Variants in NFATC3 observed in about 807,000 individuals in gnomAD.
The protein encoded by NFATC3 is nuclear factor of activated T cells 3.
A neutral mutation model predicts 98.6 loss-of-function variants in NFATC3; 46 were observed. The observed-to-expected ratio is 0.47, with a 90% confidence interval of 0.37 to 0.60. The LOEUF (loss-of-function observed/expected upper bound fraction) is 0.60. Ranked by LOEUF, NFATC3 falls within the 20% of genes least tolerant of loss-of-function variation. NFATC3 has a pLI of 0.00. For synonymous variants in NFATC3, 512 were observed against 472.2 expected, an observed-to-expected ratio of 1.08 and a Z score of -1.09; for missense variants, 1,256 against 1,295.5, an observed-to-expected ratio of 0.97 and a Z score of 0.47.
At chr16:68,219,581 G>GTAATAA (rs971636918) in intron 9 of NFATC3, among the ~76,000 whole-genome samples, 3 of 151,276 alleles carry the variant, frequency 2.0e-5, no homozygotes, top group Non-Finnish European at 4.4e-5. Flanking sequence ...AATAATAATA[G>GTAATAA]TAATAATAAT....
chr16:68,119,182 A>G (rs1159173757), intron 1 of NFATC3, among the ~76,000 whole-genome samples: 3 of 152,096 alleles, frequency 2.0e-5, no homozygotes, highest in Admixed American at 6.6e-5. Flanking sequence ...TGTGTTTTTA[A>G]TAATAGTTCA....
chr16:68,214,339 A>G (rs1174902960), intron 9 of NFATC3: 5 of 1,614,178 alleles, frequency 3.1e-6, no homozygotes, highest in Non-Finnish European at 3.4e-6. Context: ...ACCAATTTAT[A>G]TCTGACTTGG....
chr16:68,164,683 T>C (rs1055062100), intron 4 of NFATC3, among the ~76,000 whole-genome samples: 1 of 151,882 alleles, frequency 6.6e-6, no homozygotes, highest in African/African-American at 2.4e-5. Flanking sequence ...ATCGAGACCA[T>C]CCTGGCCAGC....
intron 9 of NFATC3, among the ~76,000 whole-genome samples, chr16:68,213,010 A>G (rs910768405): frequency 7.5e-5 from 10 of 132,594 alleles, no homozygotes; most frequent in Non-Finnish European, 1.3e-4. Flanking sequence ...CGTGTTAGCC[A>G]GGATGGTCTC....
At chr16:68,195,619 T>C (rs1487116073) in intron 9 of NFATC3, among the ~76,000 whole-genome samples, 3 of 151,926 alleles carry the variant, frequency 2.0e-5, no homozygotes, top group Non-Finnish European at 4.4e-5. Flanking sequence ...TCATCCTGGC[T>C]AACACGGTGA....
intron 2 of NFATC3, among the ~76,000 whole-genome samples, chr16:68,123,874 A>G (rs1263039668): frequency 6.6e-6 from 1 of 151,750 alleles, no homozygotes; most frequent in Non-Finnish European, 1.5e-5. Flanking sequence ...AGTCCCAGGT[A>G]CTAGGGAGGC....
At chr16:68,199,123 G>A (rs1448444876) in intron 9 of NFATC3, among the ~76,000 whole-genome samples, 1 of 152,092 alleles carries the variant, frequency 6.6e-6, no homozygotes, top group African/African-American at 2.4e-5. Flanking sequence ...GGCTGAAGTG[G>A]GAGGATTGCT....
At chr16:68,224,139 A>AG (rs1372361509) in intron 9 of NFATC3, among the ~76,000 whole-genome samples, 1 of 151,468 alleles carries the variant, frequency 6.6e-6, no homozygotes, top group Non-Finnish European at 1.5e-5. Context: ...AAAAAAAAAA[A>AG]AAAAAAAGCT....
At chr16:68,192,149 A>G (rs904203476) in intron 9 of NFATC3, 4 of 152,376 alleles carry the variant, frequency 2.6e-5, no homozygotes, top group Non-Finnish European at 5.6e-5. Flanking sequence ...TGGCAGTTGC[A>G]GGGAGCTAAG....
At chr16:68,107,153 G>A (rs1442853634) in intron 1 of NFATC3, among the ~76,000 whole-genome samples, 1 of 152,128 alleles carries the variant, frequency 6.6e-6, no homozygotes, top group Non-Finnish European at 1.5e-5. Context: ...TCATTGGTGG[G>A]CATTTGGGTT....
intron 1 of NFATC3, among the ~76,000 whole-genome samples, chr16:68,092,788 C>T (rs761409183): frequency 2.0e-5 from 3 of 152,152 alleles, no homozygotes; most frequent in African/African-American, 4.8e-5. Flanking sequence ...ATATTTCCCA[C>T]GTCTGTAGTT....
At chr16:68,164,237 C>CA (rs755998385) in intron 4 of NFATC3, among the ~76,000 whole-genome samples, 4 of 152,264 alleles carry the variant, frequency 2.6e-5, no homozygotes, top group Non-Finnish European at 5.9e-5. Flanking sequence ...CCGTCTCCAC[C>CA]AAAAAAATAC....
intron 1 of NFATC3, among the ~76,000 whole-genome samples, chr16:68,121,365 G>GT (rs764480895): frequency 2.4e-3 from 315 of 131,946 alleles, no homozygotes; most frequent in Middle Eastern, 4.0e-3. Flanking sequence ...TTATGGATGT[G>GT]TTTTTTTTTT....
chr16:68,157,226 TTCTCTCCC>T (rs912111693), intron 3 of NFATC3, among the ~76,000 whole-genome samples: 6 of 151,996 alleles, frequency 3.9e-5, no homozygotes, highest in Non-Finnish European at 7.4e-5. Context: ...CTCCTTCTCC[TTCTCTCCC>T]TCTCTCCCTC....
intron 9 of NFATC3, among the ~76,000 whole-genome samples, chr16:68,223,038 T>C (rs537973527): frequency 6.6e-6 from 1 of 152,342 alleles, no homozygotes; most frequent in South Asian, 2.1e-4. Context: ...AAGAGGTATT[T>C]CTCTTCTCCA....
At chr16:68,184,615 A>G (rs1012051951) in intron 8 of NFATC3, among the ~76,000 whole-genome samples, 1 of 152,068 alleles carries the variant, frequency 6.6e-6, no homozygotes, top group African/African-American at 2.4e-5. Flanking sequence ...CATCCTGGCT[A>G]ACATGGTGAA....
chr16:68,194,983 T>A (rs1484587701), intron 9 of NFATC3, among the ~76,000 whole-genome samples: 1 of 152,120 alleles, frequency 6.6e-6, no homozygotes, highest in Non-Finnish European at 1.5e-5. Flanking sequence ...CCAGGTGCCG[T>A]GGCTCATGCC....
At chr16:68,132,720 A>G (rs1050073849) in intron 3 of NFATC3, among the ~76,000 whole-genome samples, 9 of 152,264 alleles carry the variant, frequency 5.9e-5, no homozygotes, top group African/African-American at 2.2e-4. Context: ...TTGTGGCAAC[A>G]TGGATGAACC....
chr16:68,088,281 T>C (rs1386962511), intron 1 of NFATC3, among the ~76,000 whole-genome samples: 1 of 149,296 alleles, frequency 6.7e-6, no homozygotes, highest in Non-Finnish European at 1.5e-5. Flanking sequence ...TTCAGTTATA[T>C]TATCAGTGCC....
Sources: allele counts gnomAD v4.1 joint callset (sites outside exome capture counted in the v4.1 genomes callset), GRCh38; gene constraint gnomAD v4.1.1; transcripts MANE v1.5; gene names NCBI Gene and HGNC (gene_info 2026-07-23, HGNC 2026-07-21).